DNM3: variants seen among roughly 807,000 people sequenced by gnomAD.
The protein encoded by DNM3 is dynamin-3.
Under a neutral mutation model 101.6 loss-of-function variants are expected in DNM3, and 47 were observed. That is an observed-to-expected ratio of 0.46 (90% CI 0.37 to 0.59). The LOEUF (loss-of-function observed/expected upper bound fraction) is 0.59, where lower values mean the gene tolerates loss of function less well. DNM3 is among the 20% of genes least tolerant of loss of function. The pLI, the probability that DNM3 is intolerant of heterozygous loss-of-function variation, is 0.00. For synonymous variants in DNM3, 385 were observed against 387.9 expected (o/e 0.99, Z 0.09); for missense variants, 849 against 1,085.7 (o/e 0.78, Z 3.06).
intron 2 of DNM3, among the ~76,000 whole-genome samples, chr1:171,984,674 G>A (rs2045111692): frequency 6.6e-6 from 1 of 151,982 alleles, no homozygotes; most frequent in Non-Finnish European, 1.5e-5. Flanking sequence ...CACACATATT[G>A]TTTACTCTTT....
intron 13 of DNM3, among the ~76,000 whole-genome samples, chr1:172,115,153 A>T (rs1053430777): frequency 6.6e-6 from 1 of 152,204 alleles, no homozygotes; most frequent in Non-Finnish European, 1.5e-5. Flanking sequence ...TGCAGGTTGT[A>T]TATTTGGTGC....
At chr1:172,257,215 G>A (rs2148699829) in intron 15 of DNM3, among the ~76,000 whole-genome samples, 1 of 152,114 alleles carries the variant, frequency 6.6e-6, no homozygotes, top group East Asian at 1.9e-4. Context: ...GCTGTTATGT[G>A]CCAGATACTG....
rs183528951 is a variant in DNM3 at position 171,939,802 on chromosome 1, C to T, written c.235+17981C>T. On this transcript the variant is annotated intron_variant, in intron 2 of 20. Coordinates refer to ENST00000627582, the MANE Select transcript of DNM3 (RefSeq NM_015569.5). Reference sequence around the variant, plus strand: ...GTTGATAATAATTGTTACTTACCTACGCCTTCTTACTCTTATTGCTTCCCC... The same window carrying T: ...GTTGATAATAATTGTTACTTACCTATGCCTTCTTACTCTTATTGCTTCCCC... 2.2e-4 allele frequency among the ~76,000 whole-genome samples: 33 copies of T among 152,248 alleles called. No individual in the cohort carries two copies. The South Asian group carries it at 3.5e-3, about 16-fold the overall frequency.
intron 6 of DNM3, among the ~76,000 whole-genome samples, chr1:172,035,767 T>C (rs916844344): frequency 1.3e-5 from 2 of 152,148 alleles, no homozygotes; most frequent in African/African-American, 4.8e-5. Context: ...AATGCTGTCC[T>C]CTCAGCTCTT....
At chr1:172,005,831 G>A (rs1356684517) in intron 4 of DNM3, among the ~76,000 whole-genome samples, 1 of 152,060 alleles carries the variant, frequency 6.6e-6, no homozygotes, top group African/African-American at 2.4e-5. Flanking sequence ...TGATCATGGA[G>A]GACAGATGAC....
chr1:172,032,647 C>A, intron 5 of DNM3, 147 bp downstream of exon 5: 1 of 475,128 alleles, frequency 2.1e-6, no homozygotes, highest in East Asian at 3.3e-5. Flanking sequence ...ATTAGTTATA[C>A]TTTTCTGGAA....
intron 2 of DNM3, among the ~76,000 whole-genome samples, chr1:171,941,452 T>C (rs891745459): frequency 1.3e-5 from 2 of 152,206 alleles, no homozygotes; most frequent in Non-Finnish European, 2.9e-5. Flanking sequence ...AAGGTATACA[T>C]ACTGCAACTG....
At chr1:172,377,006 T>C (rs2068635351) in intron 17 of DNM3, among the ~76,000 whole-genome samples, 1 of 152,082 alleles carries the variant, frequency 6.6e-6, no homozygotes, top group African/African-American at 2.4e-5. Flanking sequence ...TGGATGCTAA[T>C]ATAATTTTCC....
chr1:172,205,692 A>G lies in DNM3; in HGVS notation c.1660-47881A>G, dbSNP rs1027696295. On this transcript the variant is annotated intron_variant, in intron 14 of 20. Coordinates refer to ENST00000627582, the MANE Select transcript of DNM3 (RefSeq NM_015569.5). ...CTGCTTCTGTGTTCACTCTATTGCTATGTGTTGTTTTGGTTGAATGATATG... is the reference window on the plus strand; with the variant it reads ...CTGCTTCTGTGTTCACTCTATTGCTGTGTGTTGTTTTGGTTGAATGATATG... Among the ~76,000 whole-genome samples the G allele has an allele frequency of 8.5e-5, 13 of 152,202 alleles. No individual in the cohort carries two copies. In the East Asian group the frequency reaches 2.5e-3, roughly 29 times the overall value.
At chr1:172,197,875 C>A (rs1171743716) in intron 14 of DNM3, among the ~76,000 whole-genome samples, 1 of 151,750 alleles carries the variant, frequency 6.6e-6, no homozygotes, top group Non-Finnish European at 1.5e-5. Flanking sequence ...TTTGATTTCC[C>A]CTCGTTGTAT....
At chr1:172,026,438 A>G (rs2048208333) in intron 4 of DNM3, among the ~76,000 whole-genome samples, 2 of 152,200 alleles carry the variant, frequency 1.3e-5, no homozygotes, top group South Asian at 4.1e-4. Flanking sequence ...CAACAGTCAA[A>G]TTCAGGAAAT....
At chr1:172,386,864 G>A (rs2069208117) in intron 18 of DNM3, 2 of 406,556 alleles carry the variant, frequency 4.9e-6, no homozygotes, top group Admixed American at 3.6e-5. Context: ...GCCCTGTTCT[G>A]GTGATGGCTG....
chr1:172,403,653 T>C (rs1367097106), intron 20 of DNM3, among the ~76,000 whole-genome samples: 1 of 152,102 alleles, frequency 6.6e-6, no homozygotes, highest in Non-Finnish European at 1.5e-5. Context: ...CAGCTACAAA[T>C]ACAACTTCAA....
chr1:172,294,380 C>T (rs935792536), intron 15 of DNM3, among the ~76,000 whole-genome samples: 1 of 152,100 alleles, frequency 6.6e-6, no homozygotes, highest in African/African-American at 2.4e-5. Context: ...CAAGTTTATT[C>T]CATTGTGTTT....
chr1:171,864,926 A>G (rs1245143508), intron 1 of DNM3, among the ~76,000 whole-genome samples: 1 of 152,010 alleles, frequency 6.6e-6, no homozygotes, highest in African/African-American at 2.4e-5. Flanking sequence ...TGTGAGGCTA[A>G]ATTGTTTTGT....
chr1:172,219,435 T>C (rs1464175770), intron 14 of DNM3, among the ~76,000 whole-genome samples: 1 of 109,570 alleles, frequency 9.1e-6, no homozygotes, highest in Non-Finnish European at 1.9e-5. Flanking sequence ...ATATGTAAAA[T>C]AGACTTGTAA....
rs191595600 is a variant in DNM3 at position 172,408,943 on chromosome 1, G to A, written c.*1102G>A. The A allele has an allele frequency of 1.6e-5, 16 of 985,362 alleles. No homozygotes were observed. In the African/African-American group the frequency reaches 1.7e-4, roughly 11 times the overall value. The allele number at this position is 985,362 out of a possible 1,614,324, so 61.0% of individuals were successfully genotyped here. Reference sequence around the variant, plus strand: ...AGAAATGGCATGGGATAAGAGCAGAGCTCACACTTTTACAGTTGCAGTATT... The same window carrying A: ...AGAAATGGCATGGGATAAGAGCAGAACTCACACTTTTACAGTTGCAGTATT... On this transcript the variant is annotated 3_prime_UTR_variant, in exon 21 of 21. Transcript: ENST00000627582.
At chr1:172,270,524 A>G (rs1361564108) in intron 15 of DNM3, among the ~76,000 whole-genome samples, 1 of 152,140 alleles carries the variant, frequency 6.6e-6, no homozygotes, top group Non-Finnish European at 1.5e-5. Context: ...AATACTGTGA[A>G]GGTTTGAATT....
intron 17 of DNM3, among the ~76,000 whole-genome samples, chr1:172,324,756 G>A (rs1442705037): frequency 2.0e-5 from 3 of 151,982 alleles, no homozygotes; most frequent in East Asian, 1.9e-4. Context: ...TACGTATGTC[G>A]AATCCTGGTC....
Sources: allele counts gnomAD v4.1 joint callset (sites outside exome capture counted in the v4.1 genomes callset), GRCh38; gene constraint gnomAD v4.1.1; transcripts MANE v1.5; gene names NCBI Gene and HGNC (gene_info 2026-07-23, HGNC 2026-07-21).